Variants in SREBF2 observed in about 807,000 individuals in gnomAD.
SREBF2 encodes the protein sterol regulatory element binding transcription factor 2.
SREBF2 carries 55 observed loss-of-function variants against 113.1 expected under a neutral mutation model. The observed-to-expected ratio is 0.49, with a 90% CI of 0.39 to 0.61. SREBF2 has a LOEUF of 0.61. Among genes scored for constraint, SREBF2 ranks in the 20% least tolerant of loss-of-function variants. The pLI, the probability that SREBF2 is intolerant of heterozygous loss-of-function variation, is 0.00. For synonymous variants in SREBF2, 593 were observed against 605.7 expected, an observed-to-expected ratio of 0.98 and a Z score of 0.31; for missense variants, 1,349 against 1,487.4, an observed-to-expected ratio of 0.91 and a Z score of 1.53.
chr22:41,872,157 G>A (rs1409063442), intron 4 of SREBF2, among the ~76,000 whole-genome samples: 32 of 151,708 alleles, frequency 2.1e-4, no homozygotes, highest in Admixed American at 2.1e-3. Context: ...GGCCGAGGTA[G>A]GAGAATGTCG....
At chr22:41,840,364 A>G (rs1176739806) in intron 1 of SREBF2, among the ~76,000 whole-genome samples, 1 of 152,114 alleles carries the variant, frequency 6.6e-6, no homozygotes, top group Non-Finnish European at 1.5e-5. Context: ...TCTGATGGCT[A>G]TGGTTTAGGT....
At chr22:41,867,340 C>A in intron 2 of SREBF2, 60 bp downstream of exon 2, 1 of 1,555,068 alleles carries the variant, frequency 6.4e-7, no homozygotes, top group Non-Finnish European at 8.9e-7. Context: ...TGCCAGTTTG[C>A]AGACACTGTA....
intron 16 of SREBF2, among the ~76,000 whole-genome samples, chr22:41,902,415 T>C (rs923539292): frequency 6.6e-6 from 1 of 152,198 alleles, no homozygotes; most frequent in African/African-American, 2.4e-5. Context: ...GCCAGGGTCA[T>C]GTAGCTAGTA....
intron 10 of SREBF2, among the ~76,000 whole-genome samples, chr22:41,881,614 G>GA (rs2077246585): frequency 6.6e-6 from 1 of 152,228 alleles, no homozygotes; most frequent in Admixed American, 6.5e-5. Context: ...TGGCTCTTGA[G>GA]AATAAGCCTT....
At chr22:41,869,296 G>GGTTTT (rs3045466) in intron 3 of SREBF2, among the ~76,000 whole-genome samples, 4 of 151,278 alleles carry the variant, frequency 2.6e-5, no homozygotes, top group East Asian at 1.9e-4. Context: ...GTAGAGACGG[G>GGTTTT]ATGTTGGCCA....
In SREBF2 at chr22:41,904,794, G is replaced by T. The variant is rs539488017; in HGVS notation, c.3094-69G>T. ...GAGGTGGCAGGCGAGATGGCTCAGG[G>T]AGAGCTACCCTGGGCATAGATGGGT... On this transcript the variant is annotated intron_variant, in intron 17 of 18. Transcript: ENST00000361204. The T allele has an allele frequency of 1.8e-5, 23 of 1,291,876 alleles. No individual in the cohort carries two copies. The African/African-American group carries it at 3.1e-4, about 17-fold the overall frequency. 80.0% of individuals were successfully genotyped at this position (1,291,876 alleles called of 1,614,324 possible).
At chr22:41,836,073 G>A (rs2076771803) in intron 1 of SREBF2, among the ~76,000 whole-genome samples, 1 of 152,224 alleles carries the variant, frequency 6.6e-6, no homozygotes, top group Non-Finnish European at 1.5e-5. Flanking sequence ...TGATCCCAGT[G>A]GAAGAAGATT....
At chr22:41,848,524 C>A (rs965192457) in intron 1 of SREBF2, among the ~76,000 whole-genome samples, 6 of 152,298 alleles carry the variant, frequency 3.9e-5, no homozygotes, top group African/African-American at 1.2e-4. Context: ...CTGGCTGCAG[C>A]AAGGGTGGGG....
At chr22:41,900,030 T>G (rs2077451653) in intron 15 of SREBF2, 1 of 1,321,280 alleles carries the variant, frequency 7.6e-7, no homozygotes, top group Non-Finnish European at 9.7e-7. Context: ...GTAAGGAAAC[T>G]GAGGCACACG....
chr22:41,860,651 A>G (rs989993498), intron 1 of SREBF2, among the ~76,000 whole-genome samples: 4 of 151,680 alleles, frequency 2.6e-5, no homozygotes, highest in African/African-American at 7.3e-5. Flanking sequence ...GGCCAAGTCA[A>G]GAGGATCGCT....
intron 11 of SREBF2, among the ~76,000 whole-genome samples, chr22:41,889,013 T>G (rs968519466): frequency 7.2e-5 from 11 of 152,144 alleles, no homozygotes; most frequent in Non-Finnish European, 1.5e-4. Context: ...TGGTTTAGAC[T>G]AGAGGTTCCC....
intron 12 of SREBF2, among the ~76,000 whole-genome samples, chr22:41,894,279 A>C (rs1445731991): frequency 1.3e-5 from 2 of 152,180 alleles, no homozygotes; most frequent in Non-Finnish European, 2.9e-5. Context: ...GCCTGCCAGT[A>C]AAGAAACTTG....
At chr22:41,864,261 T>TATATATACACACAC (rs1204150898) in intron 1 of SREBF2, among the ~76,000 whole-genome samples, 133 of 50,944 alleles carry the variant, frequency 2.6e-3, no homozygotes, top group Non-Finnish European at 4.0e-3. Context: ...TATATATATA[T>TATATATACACACAC]ACACACACAC....
intron 10 of SREBF2, among the ~76,000 whole-genome samples, chr22:41,883,585 TACTC>T (rs1340129234): frequency 6.6e-6 from 1 of 152,326 alleles, no homozygotes; most frequent in East Asian, 1.9e-4. Flanking sequence ...ATTCCTTCCA[TACTC>T]ACTGGCATTC....
chr22:41,858,311 AT>A (rs1458171487), intron 1 of SREBF2, among the ~76,000 whole-genome samples: 1 of 152,236 alleles, frequency 6.6e-6, no homozygotes, highest in Non-Finnish European at 1.5e-5. Context: ...TTAGGTGACT[AT>A]TCCTCTGATC....
chr22:41,857,162 T>C (rs988230997), intron 1 of SREBF2, among the ~76,000 whole-genome samples: 2 of 151,570 alleles, frequency 1.3e-5, no homozygotes, highest in African/African-American at 4.9e-5. Context: ...GAGGCTATGG[T>C]TGAAATTAAG....
rs2077186145 is a variant in SREBF2 at position 41,875,418 on chromosome 22, A to T, written c.1171A>T (p.Asn391Tyr). Residue 391 changes from asparagine (N) to tyrosine (Y), a missense_variant, in exon 6 of 19, where the codon AAC becomes TAC. Asn to Tyr is a moderately radical substitution (Grantham distance 143). This residue lies in a region of SREBF2 where 699 missense variants were observed against 843.3 expected (regional missense o/e 0.83). Coordinates refer to ENST00000361204, the MANE Select transcript of SREBF2 (RefSeq NM_004599.4). ...QQVNHKLRQE[N>Y]MVLKLANQKN... ...GGTCAATCATAAACTGCGCCAGGAG[A>T]ACATGGTGCTGAAGCTGGCAAATCA... 1 of 1,614,200 alleles carries T rather than the reference A, an allele frequency of 6.2e-7. No homozygotes were observed. The highest frequency in any genetic ancestry group is 8.5e-7 in the Non-Finnish European group (1 of 1,180,038).
Position 41,906,251 on chromosome 22 carries a change from G to C in SREBF2, c.*591G>C, listed in dbSNP as rs1440576199. 3.5e-6 allele frequency: 1 copy of C among 281,848 alleles called. No homozygotes were observed. The highest frequency in any genetic ancestry group is 6.9e-6 in the Non-Finnish European group (1 of 144,558). 17.5% of individuals were successfully genotyped at this position (281,848 alleles called of 1,614,324 possible). On this transcript the variant is annotated 3_prime_UTR_variant, in exon 19 of 19. Coordinates refer to ENST00000361204, the MANE Select transcript of SREBF2 (RefSeq NM_004599.4). ...TTCCCTTTATTACACAGGACAGCCA[G>C]GGGAGGAGGGGGGCCCAGCCCTGGG...
intron 4 of SREBF2, among the ~76,000 whole-genome samples, chr22:41,872,479 A>G (rs1200687718): frequency 3.3e-5 from 5 of 152,260 alleles, no homozygotes; most frequent in Admixed American, 6.5e-5. Flanking sequence ...ATCAAGCTAT[A>G]AACTTAAGAT....
Sources: gnomAD v4.1 joint callset for allele counts (sites outside exome capture counted in the v4.1 genomes callset) on GRCh38, gnomAD v4.1.1 for gene constraint, gnomAD v4.1.1 regional missense constraint, MANE v1.5 for transcripts, NCBI Gene and HGNC (gene_info 2026-07-23, HGNC 2026-07-21) for gene names.